The following PLEKHM3 variants were observed in gnomAD, a reference collection of about 807,000 sequenced individuals.
PLEKHM3 encodes pleckstrin homology domain-containing family M member 3.
PLEKHM3 carries 45 observed loss-of-function variants against 81.8 expected under a neutral mutation model. The observed-to-expected ratio is 0.55, with a 90% CI of 0.43 to 0.71. The LOEUF (loss-of-function observed/expected upper bound fraction) is 0.71, where lower values mean the gene tolerates loss of function less well. PLEKHM3 is among the 30% of genes least tolerant of loss of function. The pLI, the probability that PLEKHM3 is intolerant of heterozygous loss-of-function variation, is 0.00. For missense variants in PLEKHM3, 788 were observed against 924.3 expected (o/e 0.85, Z 1.91); for synonymous variants, 352 against 356.4 (o/e 0.99, Z 0.14).
intron 7 of PLEKHM3, among the ~76,000 whole-genome samples, chr2:207,831,292 G>T (rs2092286343): frequency 6.6e-6 from 1 of 152,222 alleles, no homozygotes; most frequent in Admixed American, 6.5e-5. Context: ...GCCTACCGGG[G>T]ACGCAGTGAG....
intron 5 of PLEKHM3, among the ~76,000 whole-genome samples, chr2:207,923,880 C>CACAT (rs1319162543): frequency 1.6e-3 from 93 of 56,764 alleles, no homozygotes; most frequent in African/African-American, 6.3e-3. Flanking sequence ...CACACACACA[C>CACAT]ATATATATAT....
At chr2:207,959,236 A>G (rs1314969069) in intron 3 of PLEKHM3, among the ~76,000 whole-genome samples, 1 of 152,158 alleles carries the variant, frequency 6.6e-6, no homozygotes, top group Non-Finnish European at 1.5e-5. Context: ...CTCACAGAGA[A>G]TCCAATGTAT....
chr2:207,982,240 C>G (rs1249457335), intron 2 of PLEKHM3, among the ~76,000 whole-genome samples: 1 of 129,060 alleles, frequency 7.7e-6, no homozygotes, highest in African/African-American at 3.0e-5. Context: ...TCACTCCCCC[C>G]CTCGCTCCCC....
At chr2:207,961,351 T>C (rs1464388930) in intron 3 of PLEKHM3, among the ~76,000 whole-genome samples, 1 of 152,208 alleles carries the variant, frequency 6.6e-6, no homozygotes, top group African/African-American at 2.4e-5. Context: ...GGTTCAGCCC[T>C]ACATGATTTA....
chr2:207,936,391 G>A (rs2105950008), intron 4 of PLEKHM3, among the ~76,000 whole-genome samples: 1 of 152,290 alleles, frequency 6.6e-6, no homozygotes, highest in South Asian at 2.1e-4. Flanking sequence ...ATAAATACTT[G>A]TTGAACAAAT....
At chr2:207,849,346 T>G (rs550302035) in intron 7 of PLEKHM3, among the ~76,000 whole-genome samples, 27 of 151,746 alleles carry the variant, frequency 1.8e-4, no homozygotes, top group Non-Finnish European at 2.6e-4. Context: ...AAAAAAAGTG[T>G]ACAGACTAGA....
intron 5 of PLEKHM3, among the ~76,000 whole-genome samples, chr2:207,912,844 C>T (rs964599790): frequency 1.3e-5 from 2 of 152,168 alleles, no homozygotes; most frequent in Non-Finnish European, 2.9e-5. Flanking sequence ...ATTCCTCTTT[C>T]CCCTAAGGCA....
At chr2:207,901,056 G>T (rs990583321) in intron 6 of PLEKHM3, 4 of 568,280 alleles carry the variant, frequency 7.0e-6, no homozygotes, top group East Asian at 2.9e-5. Flanking sequence ...AGCCTCAACC[G>T]GTATTGTTGT....
chr2:207,848,013 A>G (rs1316983837), intron 7 of PLEKHM3, among the ~76,000 whole-genome samples: 1 of 152,204 alleles, frequency 6.6e-6, no homozygotes, highest in Non-Finnish European at 1.5e-5. Context: ...ACCATTTACC[A>G]ACAAAGGAAT....
intron 2 of PLEKHM3, among the ~76,000 whole-genome samples, chr2:207,995,541 A>C (rs1183615985): frequency 6.6e-6 from 1 of 152,140 alleles, no homozygotes; most frequent in Admixed American, 6.6e-5. Flanking sequence ...CTAGATTCAA[A>C]TTGAGGCTCC....
At chr2:207,977,749 C>A (rs1691369823) in intron 2 of PLEKHM3, among the ~76,000 whole-genome samples, 163 bp from the exon 3 acceptor site, 1 of 152,134 alleles carries the variant, frequency 6.6e-6, no homozygotes, top group African/African-American at 2.4e-5. Flanking sequence ...CACGATGGTA[C>A]CTAACTGGCA....
chr2:207,977,498 T>C lies in PLEKHM3; in HGVS notation c.699A>G (p.Ala233=). The change falls in exon 3 of 8, where the codon GCA becomes GCG. Residue 233 remains alanine, a synonymous_variant. Coordinates refer to ENST00000427836, the MANE Select transcript of PLEKHM3 (RefSeq NM_001080475.3). The part of the protein sequence containing the change: ...DHDSYWQSCY[A]ELSPYNLYFY... ...AGTATAAGTTGTAAGGTGAAAGTTC[T>C]GCATAACAGCTTTGCCAGTAACTGT... The C allele has an allele frequency of 6.2e-7, 1 of 1,614,234 alleles. No homozygotes were observed. Among genetic ancestry groups the C allele is most frequent in the Non-Finnish European group, 8.5e-7 (1 of 1,180,032 alleles).
At chr2:207,984,769 GTT>G (rs1024542667) in intron 2 of PLEKHM3, among the ~76,000 whole-genome samples, 8 of 152,134 alleles carry the variant, frequency 5.3e-5, no homozygotes, top group African/African-American at 1.9e-4. Context: ...ATCTATAACA[GTT>G]CTCTCTTCCT....
chr2:207,912,097 A>G (rs1251246423), intron 5 of PLEKHM3, among the ~76,000 whole-genome samples: 1 of 152,208 alleles, frequency 6.6e-6, no homozygotes. Flanking sequence ...TGCTGGAGAT[A>G]GATACTTCAA....
At chr2:207,839,752 C>A (rs1426690531) in intron 7 of PLEKHM3, among the ~76,000 whole-genome samples, 2 of 152,036 alleles carry the variant, frequency 1.3e-5, no homozygotes, top group African/African-American at 4.8e-5. Context: ...ATAGGGAGAT[C>A]CCATCTCTAC....
chr2:207,875,225 GTTATAAC>G (rs1029818863), intron 6 of PLEKHM3, among the ~76,000 whole-genome samples: 25 of 152,060 alleles, frequency 1.6e-4, no homozygotes, highest in African/African-American at 6.0e-4. Flanking sequence ...AAAGACCAAT[GTTATAAC>G]TTAAACACAT....
chr2:207,989,507 A>C (rs535707220), intron 2 of PLEKHM3, among the ~76,000 whole-genome samples: 1 of 152,096 alleles, frequency 6.6e-6, no homozygotes, highest in African/African-American at 2.4e-5. Context: ...TCTATCCCCA[A>C]TTACAGCCTT....
intron 5 of PLEKHM3, among the ~76,000 whole-genome samples, chr2:207,913,806 A>G (rs1001439088): frequency 2.0e-5 from 3 of 152,156 alleles, no homozygotes; most frequent in African/African-American, 7.2e-5. Flanking sequence ...ACAAAAGCTG[A>G]AGACACAAAA....
intron 4 of PLEKHM3, 133 bp downstream of exon 4, chr2:207,946,234 A>G (rs554085731): frequency 2.4e-5 from 23 of 946,956 alleles, no homozygotes; most frequent in Non-Finnish European, 3.6e-5. Flanking sequence ...GCATTAGGTA[A>G]GGTCTTGCAG....
Sources: gnomAD v4.1 joint callset for allele counts (sites outside exome capture counted in the v4.1 genomes callset) on GRCh38, gnomAD v4.1.1 for gene constraint, MANE v1.5 for transcripts, NCBI Gene and HGNC (gene_info 2026-07-23, HGNC 2026-07-21) for gene names.